Variants in CDH13 observed in about 807,000 individuals in gnomAD.
CDH13 encodes the protein cadherin 13.
A neutral mutation model predicts 63.8 loss-of-function variants in CDH13; 24 were observed. The ratio of observed to expected loss-of-function variants is 0.38; its 90% confidence interval spans 0.27 to 0.53. The LOEUF (loss-of-function observed/expected upper bound fraction) is 0.53, where lower values mean the gene tolerates loss of function less well. Ranked by LOEUF, CDH13 falls within the 20% of genes least tolerant of loss-of-function variation. CDH13 has a pLI of 0.85. For synonymous variants in CDH13, 503 were observed against 355.3 expected, an observed-to-expected ratio of 1.42 and a Z score of -4.67; for missense variants, 1,049 against 903.1, an observed-to-expected ratio of 1.16 and a Z score of -2.07.
At chr16:83,686,750 T>G (rs1457013965) in intron 10 of CDH13, among the ~76,000 whole-genome samples, 1 of 152,112 alleles carries the variant, frequency 6.6e-6, no homozygotes, top group Non-Finnish European at 1.5e-5. Context: ...CAGTTTGGGG[T>G]GAGGCCACCA....
chr16:83,785,275 G>T (rs1021729483), intron 13 of CDH13, among the ~76,000 whole-genome samples: 1 of 152,200 alleles, frequency 6.6e-6, no homozygotes, highest in Non-Finnish European at 1.5e-5. Context: ...GATGCTGGCA[G>T]ATTCATTGTC....
chr16:83,461,825 C>T (rs976363035), intron 6 of CDH13, among the ~76,000 whole-genome samples: 7 of 152,272 alleles, frequency 4.6e-5, no homozygotes, highest in African/African-American at 1.7e-4. Flanking sequence ...AGTGGAACTT[C>T]GAGGTTTCCA....
chr16:83,658,250 G>A (rs1432668412), intron 8 of CDH13, among the ~76,000 whole-genome samples: 28 of 107,082 alleles, frequency 2.6e-4, no homozygotes, highest in East Asian at 6.1e-4. Flanking sequence ...AAGGTCCCAT[G>A]TCCTCACCAC....
chr16:83,151,060 A>G (rs1028326892), intron 4 of CDH13, among the ~76,000 whole-genome samples: 3 of 152,162 alleles, frequency 2.0e-5, no homozygotes, highest in Non-Finnish European at 2.9e-5. Flanking sequence ...CTTGAAGTAA[A>G]GTGAAATCAA....
chr16:83,575,604 A>T (rs1905036194), intron 7 of CDH13, among the ~76,000 whole-genome samples: 1 of 152,080 alleles, frequency 6.6e-6, no homozygotes, highest in Non-Finnish European at 1.5e-5. Flanking sequence ...GCTATTCATG[A>T]CCTGGAGTAT....
chr16:83,713,424 A>G (rs369678483), intron 10 of CDH13, among the ~76,000 whole-genome samples: 59 of 152,150 alleles, frequency 3.9e-4, no homozygotes, highest in Middle Eastern at 3.4e-3. Context: ...TCTTTTATAC[A>G]GAGTTGGGGA....
At chr16:82,666,423 C>G (rs891311024) in intron 1 of CDH13, among the ~76,000 whole-genome samples, 1 of 152,182 alleles carries the variant, frequency 6.6e-6, no homozygotes, top group Admixed American at 6.5e-5. Context: ...CAATGGATGA[C>G]CATACACTGT....
At chr16:83,178,052 G>C (rs553508524) in intron 4 of CDH13, among the ~76,000 whole-genome samples, 1 of 152,204 alleles carries the variant, frequency 6.6e-6, no homozygotes, top group South Asian at 2.1e-4. Context: ...AATAGTACCA[G>C]AACCCCTGAA....
At chr16:83,254,361 G>T (rs183461746) in intron 5 of CDH13, among the ~76,000 whole-genome samples, 14 of 152,326 alleles carry the variant, frequency 9.2e-5, no homozygotes, top group African/African-American at 3.4e-4. Context: ...TGCACAGAGT[G>T]TCTTCAGACC....
In CDH13 at chr16:83,756,173, A is replaced by G. The variant is rs189211494; in HGVS notation, c.1681+7923A>G. Reference sequence around the variant, plus strand: ...GAAATAGGTTTGACTAATCCAAAATAAGAAAGGAGGGGGAACAACATTAAA... The same window carrying G: ...GAAATAGGTTTGACTAATCCAAAATGAGAAAGGAGGGGGAACAACATTAAA... On this transcript the variant is annotated intron_variant, in intron 11 of 13. Transcript: ENST00000567109. Among the ~76,000 whole-genome samples the G allele has an allele frequency of 2.9e-3, 448 of 152,318 alleles. 1 individual carries two copies. Among genetic ancestry groups the G allele is most frequent in the Middle Eastern group, 0.01 (3 of 294 alleles).
intron 3 of CDH13, among the ~76,000 whole-genome samples, chr16:83,075,932 A>G (rs1195017717): frequency 6.6e-6 from 1 of 152,184 alleles, no homozygotes; most frequent in Admixed American, 6.5e-5. Context: ...GCTACATTAT[A>G]CCTTTAAGTG....
intron 1 of CDH13, among the ~76,000 whole-genome samples, chr16:82,742,629 T>C (rs13332390): frequency 0.4 from 60,098 of 152,018 alleles, 12,676 homozygotes; most frequent in South Asian, 0.49. Context: ...TTTTCTCTAA[T>C]GTAATTGTAC....
At chr16:82,656,222 C>G (rs753196241) in intron 1 of CDH13, among the ~76,000 whole-genome samples, 2 of 151,912 alleles carry the variant, frequency 1.3e-5, no homozygotes, top group South Asian at 4.2e-4. Context: ...ATCAGTGGTT[C>G]AAAGGCACAG....
At chr16:82,818,387 C>T (rs535378957) in intron 1 of CDH13, among the ~76,000 whole-genome samples, 2 of 152,136 alleles carry the variant, frequency 1.3e-5, no homozygotes, top group South Asian at 4.2e-4. Context: ...AGAAAGAGAG[C>T]AAAGCAACAA....
intron 11 of CDH13, among the ~76,000 whole-genome samples, chr16:83,766,731 T>C (rs988139731): frequency 6.6e-5 from 10 of 152,240 alleles, no homozygotes; most frequent in African/African-American, 2.4e-4. Flanking sequence ...ATGGTTTGGC[T>C]GTGTCCCCAC....
intron 7 of CDH13, among the ~76,000 whole-genome samples, chr16:83,543,062 C>G (rs1000107452): frequency 6.6e-6 from 1 of 152,258 alleles, no homozygotes; most frequent in Non-Finnish European, 1.5e-5. Flanking sequence ...GCAAAGACAA[C>G]ATTCCTTTCT....
chr16:83,216,617 A>G (rs1409256251), intron 4 of CDH13, among the ~76,000 whole-genome samples: 1 of 144,236 alleles, frequency 6.9e-6, no homozygotes, highest in Non-Finnish European at 1.5e-5. Flanking sequence ...TTTAATATAT[A>G]TAATACATAG....
intron 5 of CDH13, among the ~76,000 whole-genome samples, chr16:83,250,783 T>A (rs1265330217): frequency 1.3e-5 from 2 of 152,166 alleles, no homozygotes; most frequent in Non-Finnish European, 2.9e-5. Context: ...ACTGTAGAAT[T>A]CCAGGCAGGA....
intron 7 of CDH13, among the ~76,000 whole-genome samples, chr16:83,566,365 G>C (rs1904280594): frequency 6.6e-6 from 1 of 152,128 alleles, no homozygotes; most frequent in Non-Finnish European, 1.5e-5. Flanking sequence ...CTGCTGGAAT[G>C]GGAGTTCCAG....
Sources: allele counts gnomAD v4.1 joint callset (sites outside exome capture counted in the v4.1 genomes callset), GRCh38; gene constraint gnomAD v4.1.1; transcripts MANE v1.5; gene names NCBI Gene and HGNC (gene_info 2026-07-23, HGNC 2026-07-21).